The following SORBS2 variants were observed in gnomAD, a reference collection of about 807,000 sequenced individuals.
The protein encoded by SORBS2 is sorbin and SH3 domain-containing protein 2.
A neutral mutation model predicts 97.7 loss-of-function variants in SORBS2; 46 were observed. The ratio of observed to expected loss-of-function variants is 0.47; its 90% confidence interval spans 0.37 to 0.60. The LOEUF (loss-of-function observed/expected upper bound fraction) is 0.60, where lower values mean the gene tolerates loss of function less well. SORBS2 is among the 20% of genes least tolerant of loss of function. SORBS2 has a pLI of 0.00. For synonymous variants in SORBS2, 476 were observed against 473.4 expected, an observed-to-expected ratio of 1.01 and a Z score of -0.07; for missense variants, 1,316 against 1,282.3, an observed-to-expected ratio of 1.03 and a Z score of -0.40.
intron 1 of SORBS2, among the ~76,000 whole-genome samples, chr4:185,818,643 G>A (rs977199275): frequency 5.3e-5 from 8 of 151,950 alleles, no homozygotes; most frequent in South Asian, 2.1e-4. Context: ...TGGCTAACAC[G>A]GTGAAACCCT....
At chr4:185,866,247 C>T (rs1034739280) in intron 1 of SORBS2, among the ~76,000 whole-genome samples, 1 of 152,182 alleles carries the variant, frequency 6.6e-6, no homozygotes, top group African/African-American at 2.4e-5. Context: ...GTGTTCCCAG[C>T]CTCTCAGCAA....
chr4:185,761,631 G>C (rs868239269), intron 2 of SORBS2: 1 of 152,202 alleles, frequency 6.6e-6, no homozygotes, highest in Admixed American at 6.5e-5. Context: ...GAATCAGAAA[G>C]GAAGGAAATT....
intron 2 of SORBS2, among the ~76,000 whole-genome samples, chr4:185,650,462 T>A (rs180738726): frequency 1.6e-4 from 25 of 152,118 alleles, no homozygotes; most frequent in South Asian, 6.2e-4. Context: ...GCAAAGAGAC[T>A]AGCTGCAGTT....
chr4:185,909,232 G>GT (rs904941137), intron 1 of SORBS2, among the ~76,000 whole-genome samples: 3 of 152,282 alleles, frequency 2.0e-5, no homozygotes, highest in Admixed American at 6.5e-5. Context: ...ATGAAATTAT[G>GT]TTTTTTGCAG....
chr4:185,659,169 G>A (rs904339348), upstream of SORBS2, among the ~76,000 whole-genome samples: 2 of 152,094 alleles, frequency 1.3e-5, no homozygotes, highest in Non-Finnish European at 2.9e-5. Flanking sequence ...TACATTTTTT[G>A]ATGAAGAATG....
At chr4:185,797,749 C>A (rs2099111880) in intron 1 of SORBS2, among the ~76,000 whole-genome samples, 1 of 152,174 alleles carries the variant, frequency 6.6e-6, no homozygotes, top group Non-Finnish European at 1.5e-5. Context: ...CTTTATGTGA[C>A]TGCAAAGCTC....
chr4:185,815,484 T>C (rs984097372), intron 1 of SORBS2, among the ~76,000 whole-genome samples: 29 of 152,198 alleles, frequency 1.9e-4, no homozygotes, highest in African/African-American at 6.8e-4. Flanking sequence ...ACAGAATGTG[T>C]GTGAAAATCT....
chr4:185,700,750 T>C (rs2098249492), intron 2 of SORBS2, among the ~76,000 whole-genome samples: 1 of 152,178 alleles, frequency 6.6e-6, no homozygotes, highest in Non-Finnish European at 1.5e-5. Flanking sequence ...TACAACAAAA[T>C]GGGATGTGGT....
At chr4:185,760,988 T>C (rs2098884052) in intron 2 of SORBS2, among the ~76,000 whole-genome samples, 1 of 152,228 alleles carries the variant, frequency 6.6e-6, no homozygotes, top group African/African-American at 2.4e-5. Context: ...ACCCCAAACA[T>C]AAGATTTAAT....
chr4:185,774,293 A>G (rs2098988867), intron 2 of SORBS2: 1 of 152,176 alleles, frequency 6.6e-6, no homozygotes. Context: ...GGAGAACTTT[A>G]CCAGAGAACA....
chr4:185,742,012 C>A (rs775707375), intron 2 of SORBS2, among the ~76,000 whole-genome samples: 2 of 152,204 alleles, frequency 1.3e-5, no homozygotes, highest in Non-Finnish European at 2.9e-5. Context: ...CCCTCCCCAT[C>A]CGCTGATTTG....
chr4:185,813,276 A>G (rs1561193849), intron 1 of SORBS2, among the ~76,000 whole-genome samples: 1 of 152,198 alleles, frequency 6.6e-6, no homozygotes, highest in Admixed American at 6.5e-5. Flanking sequence ...TTCCCTACCC[A>G]TGTTAACACT....
At chr4:185,942,450 G>C (rs1019542948) in intron 1 of SORBS2, among the ~76,000 whole-genome samples, 3 of 151,488 alleles carry the variant, frequency 2.0e-5, no homozygotes, top group African/African-American at 7.3e-5. Flanking sequence ...TCCCGGGTTC[G>C]AGTGATTCTC....
chr4:185,833,572 T>C (rs1283495726), intron 1 of SORBS2, among the ~76,000 whole-genome samples: 1 of 152,222 alleles, frequency 6.6e-6, no homozygotes, highest in African/African-American at 2.4e-5. Context: ...GATAATAGAT[T>C]ACTACAATAC....
At chr4:185,859,614 G>A (rs1377984434) in intron 1 of SORBS2, among the ~76,000 whole-genome samples, 1 of 152,136 alleles carries the variant, frequency 6.6e-6, no homozygotes, top group Admixed American at 6.6e-5. Flanking sequence ...ATAAATATGT[G>A]TATTCTAGAC....
At chr4:185,946,824 A>G (rs1381254551) in intron 1 of SORBS2, among the ~76,000 whole-genome samples, 1 of 152,254 alleles carries the variant, frequency 6.6e-6, no homozygotes, top group African/African-American at 2.4e-5. Context: ...TATTTCATTG[A>G]ACAGATAAAA....
Position 185,887,108 on chromosome 4 carries a change from A to G in SORBS2, c.-338+69088T>C, listed in dbSNP as rs374599390. Among the ~76,000 whole-genome samples the G allele has an allele frequency of 8.6e-4, 131 of 152,346 alleles. 2 individuals are homozygous for G. The highest frequency in any genetic ancestry group is 6.4e-3 in the South Asian group (31 of 4,824). On this transcript the variant is annotated intron_variant, in intron 1 of 20. Coordinates refer to the SORBS2 transcript ENST00000284776. ...CAGCTGTCTGCGGGGAAGCCGGAAAAGGCATTTAGTAGGTAGAAGTAAAAG... is the reference window on the plus strand; with the variant it reads ...CAGCTGTCTGCGGGGAAGCCGGAAAGGGCATTTAGTAGGTAGAAGTAAAAG...
intron 4 of SORBS2, among the ~76,000 whole-genome samples, chr4:185,674,837 G>C (rs946519787): frequency 1.3e-5 from 2 of 152,106 alleles, no homozygotes; most frequent in African/African-American, 4.8e-5. Flanking sequence ...GAGGTCTATT[G>C]ATATTGAGTT....
chr4:185,663,848 C>CTTTTTTTTTTTTTTT (rs56177449), intron 4 of SORBS2, among the ~76,000 whole-genome samples: 1 of 80,982 alleles, frequency 1.2e-5, no homozygotes, highest in Non-Finnish European at 2.4e-5. Context: ...TAGATTTATT[C>CTTTTTTTTTTTTTTT]TTTTTTTTTT....
Sources: allele counts gnomAD v4.1 joint callset (sites outside exome capture counted in the v4.1 genomes callset), GRCh38; gene constraint gnomAD v4.1.1; transcripts MANE v1.5; gene names NCBI Gene and HGNC (gene_info 2026-07-23, HGNC 2026-07-21).